The following SYN2 variants were observed in gnomAD, a reference collection of about 807,000 sequenced individuals.
SYN2 encodes synapsin II, also known as synapsin-2.
In SYN2, 19 loss-of-function variants were observed where a neutral mutation model predicts 50.9. That is an observed-to-expected ratio of 0.37 (90% CI 0.26 to 0.55). The LOEUF (loss-of-function observed/expected upper bound fraction) is 0.55, where lower values mean the gene tolerates loss of function less well. Ranked by LOEUF, SYN2 falls within the 20% of genes least tolerant of loss-of-function variation. The probability of loss-of-function intolerance (pLI) is 0.81; values close to 1 mark genes in which losing one functional copy is unlikely to be tolerated. For missense variants in SYN2, 587 were observed against 576.4 expected, an observed-to-expected ratio of 1.02 and a Z score of -0.19; for synonymous variants, 255 against 224.9, an observed-to-expected ratio of 1.13 and a Z score of -1.20.
chr3:12,184,199 TA>T, intron 11 of SYN2: 1 of 985,686 alleles, frequency 1.0e-6, no homozygotes, highest in Non-Finnish European at 1.2e-6. Flanking sequence ...TATTATTAAC[TA>T]ATTAACTATG....
At chr3:12,179,199 G>A (rs1196484638) in intron 10 of SYN2, among the ~76,000 whole-genome samples, 2 of 151,766 alleles carry the variant, frequency 1.3e-5, no homozygotes, top group African/African-American at 4.8e-5. Flanking sequence ...TGATGGAAGC[G>A]GCACACTCTC....
At chr3:12,170,148 C>T (rs1352945293) in intron 10 of SYN2, among the ~76,000 whole-genome samples, 1 of 152,192 alleles carries the variant, frequency 6.6e-6, no homozygotes, top group Non-Finnish European at 1.5e-5. Context: ...CAGAGGAGCA[C>T]TGGTTCCCTT....
chr3:12,070,647 G>A, intron 1 of SYN2: 1 of 1,352,916 alleles, frequency 7.4e-7, no homozygotes, highest in East Asian at 3.7e-5. Flanking sequence ...GGCCATCCAG[G>A]CCATGCTGTC....
intron 1 of SYN2, among the ~76,000 whole-genome samples, chr3:12,107,339 C>A (rs1696214881): frequency 6.6e-6 from 1 of 152,080 alleles, no homozygotes; most frequent in Non-Finnish European, 1.5e-5. Flanking sequence ...TGTTTTTCTT[C>A]CTGTTTGAGT....
intron 7 of SYN2, among the ~76,000 whole-genome samples, chr3:12,165,870 G>A (rs546954532): frequency 6.6e-6 from 1 of 152,318 alleles, no homozygotes; most frequent in East Asian, 1.9e-4. Context: ...GTAGTGGAGT[G>A]TAGGGAAAAG....
At chr3:12,054,057 A>C (rs1694935235) in intron 1 of SYN2, among the ~76,000 whole-genome samples, 2 of 152,166 alleles carry the variant, frequency 1.3e-5, no homozygotes. Flanking sequence ...AAGCAAATGC[A>C]AGGTAATGCC....
chr3:12,139,259 G>A (rs369358572), intron 1 of SYN2, among the ~76,000 whole-genome samples: 34 of 152,298 alleles, frequency 2.2e-4, no homozygotes, highest in African/African-American at 6.7e-4. Flanking sequence ...CCGGGTAGTT[G>A]ACAGGAACCA....
chr3:12,140,718 C>A lies in SYN2; in HGVS notation c.435+10C>A. On this transcript the variant is annotated intron_variant, in intron 2 of 12. Transcript: ENST00000621198. The stretch of plus-strand genomic sequence containing the variant: ...TATCAAGGTGGAACAGGTAATCAGC[C>A]TGAAGCCCAGAGCTGCATCCCCGTC... The A allele has an allele frequency of 1.3e-6, 1 of 754,654 alleles. No individual in the cohort carries two copies. 46.7% of individuals were successfully genotyped at this position (754,654 alleles called of 1,614,324 possible).
intron 3 of SYN2, among the ~76,000 whole-genome samples, chr3:12,142,808 C>T (rs1697052308): frequency 6.6e-6 from 1 of 152,150 alleles, no homozygotes; most frequent in Non-Finnish European, 1.5e-5. Flanking sequence ...ACCTCACTCT[C>T]TTCTCCACCT....
At chr3:12,005,008 C>G (rs1257927142) in intron 1 of SYN2, 80 bp downstream of exon 1, 3 of 404,218 alleles carry the variant, frequency 7.4e-6, no homozygotes, top group South Asian at 6.8e-5. Flanking sequence ...CCCAGGTCGC[C>G]GAGGAAACGT....
At chr3:12,187,717 A>G in intron 12 of SYN2, 105 bp downstream of exon 12, 2 of 1,409,882 alleles carry the variant, frequency 1.4e-6, no homozygotes, top group Non-Finnish European at 1.9e-6. Flanking sequence ...CTCCTCCTAC[A>G]GATATTTTGT....
At chr3:12,132,197 T>C (rs993426054) in intron 1 of SYN2, among the ~76,000 whole-genome samples, 2 of 152,032 alleles carry the variant, frequency 1.3e-5, no homozygotes, top group African/African-American at 4.8e-5. Flanking sequence ...CCTTCAGATA[T>C]CTAGCTGTGT....
rs773201984 is a variant in SYN2 at position 12,190,640 on chromosome 3, G to A, written c.*15G>A. ...TTTCAGATTAGCTCTTCAGACACAC[G>A]GGGCACCCAGCCCAACCGGGAAAGG... On this transcript the variant is annotated 3_prime_UTR_variant, in exon 13 of 13. Coordinates refer to ENST00000621198, the MANE Select transcript of SYN2 (RefSeq NM_133625.6). 22 of 1,607,708 alleles carry A rather than the reference G, an allele frequency of 1.4e-5. No individual in the cohort carries two copies. The highest frequency in any genetic ancestry group is 1.7e-4 in the Middle Eastern group (1 of 6,032).
intron 1 of SYN2, among the ~76,000 whole-genome samples, chr3:12,089,637 T>A (rs1574934113): frequency 6.6e-6 from 1 of 152,180 alleles, no homozygotes; most frequent in Non-Finnish European, 1.5e-5. Context: ...TAGTGAGATA[T>A]TATATTTAAA....
chr3:12,085,801 A>C (rs1695689455), intron 1 of SYN2, among the ~76,000 whole-genome samples: 2 of 152,192 alleles, frequency 1.3e-5, no homozygotes, highest in African/African-American at 4.8e-5. Context: ...TATATCAAAA[A>C]AGAAAAATCT....
intron 1 of SYN2, among the ~76,000 whole-genome samples, chr3:12,097,608 C>CAA (rs35095165): frequency 3.9e-4 from 37 of 94,836 alleles, no homozygotes; most frequent in African/African-American, 6.5e-4. Flanking sequence ...TCCATCTCAA[C>CAA]AAAAAAAAAA....
At chr3:12,070,440 G>C in intron 1 of SYN2, 8 of 556,834 alleles carry the variant, frequency 1.4e-5, no homozygotes, top group Non-Finnish European at 1.1e-5. Flanking sequence ...TTGGGACTCT[G>C]ACCCCATTGA....
At chr3:12,043,651 G>T (rs138515330) in intron 1 of SYN2, among the ~76,000 whole-genome samples, 1 of 152,194 alleles carries the variant, frequency 6.6e-6, no homozygotes, top group Non-Finnish European at 1.5e-5. Context: ...TTATTATGTG[G>T]CCCTCAGAAT....
intron 1 of SYN2, among the ~76,000 whole-genome samples, chr3:12,132,390 A>C (rs1559432987): frequency 6.6e-6 from 1 of 152,220 alleles, no homozygotes; most frequent in East Asian, 1.9e-4. Flanking sequence ...CAAGTCAGTT[A>C]ATTCATCTGA....
Sources: allele counts gnomAD v4.1 joint callset (sites outside exome capture counted in the v4.1 genomes callset), GRCh38; gene constraint gnomAD v4.1.1; transcripts MANE v1.5; gene names NCBI Gene and HGNC (gene_info 2026-07-23, HGNC 2026-07-21).